EFNA5: variants seen among roughly 807,000 people sequenced by gnomAD.
EFNA5 encodes the protein ephrin A5.
In EFNA5, 5 loss-of-function variants were observed where a neutral mutation model predicts 22.9. The ratio of observed to expected loss-of-function variants is 0.22; its 90% CI spans 0.11 to 0.46. The LOEUF (loss-of-function observed/expected upper bound fraction) is 0.46, where lower values mean the gene tolerates loss of function less well. Among genes scored for constraint, EFNA5 ranks in the 20% least tolerant of loss-of-function variants. The pLI, the probability that EFNA5 is intolerant of heterozygous loss-of-function variation, is 0.99. For missense variants in EFNA5, 237 were observed against 293.3 expected (o/e 0.81, Z 1.40); for synonymous variants, 113 against 112.2 (o/e 1.01, Z -0.04).
At chr5:107,592,613 G>T (rs1018990059) in intron 1 of EFNA5, among the ~76,000 whole-genome samples, 1 of 152,134 alleles carries the variant, frequency 6.6e-6, no homozygotes, top group Non-Finnish European at 1.5e-5. Context: ...TTCCATGCAG[G>T]TTAGGGGAGC....
chr5:107,605,830 T>G (rs1256066058), intron 1 of EFNA5, among the ~76,000 whole-genome samples: 1 of 152,156 alleles, frequency 6.6e-6, no homozygotes, highest in East Asian at 1.9e-4. Flanking sequence ...CTTTCTTCCC[T>G]CCTTGTAAAG....
At position 107,424,378 on chromosome 5, in the gene EFNA5, T is replaced by A. The variant is rs113217820; in HGVS notation, c.418+2839A>T. ...CCTGCCACCATGCCCAGCTAATTTT[T>A]GTATTTTTTTTTTTTTTTTAGTAGC... is the stretch of plus-strand genomic sequence containing the variant. On this transcript the variant is annotated intron_variant, in intron 2 of 4. Transcript: ENST00000333274. 2.3e-4 allele frequency among the ~76,000 whole-genome samples: 33 copies of A among 142,920 alleles called. 1 individual carries two copies. The highest frequency in any genetic ancestry group is 8.2e-4 in the African/African-American group (32 of 38,892). 93.8% of individuals were successfully genotyped at this position (142,920 alleles called of 152,430 possible). A position where few individuals can be genotyped will look rare whatever the true frequency, so the allele number is the denominator to read the frequency against.
At chr5:107,633,509 C>T (rs551906736) in intron 1 of EFNA5, among the ~76,000 whole-genome samples, 1 of 152,368 alleles carries the variant, frequency 6.6e-6, no homozygotes, top group South Asian at 2.1e-4. Flanking sequence ...TGCTGCGTCA[C>T]ATTACTTCCG....
intron 1 of EFNA5, among the ~76,000 whole-genome samples, chr5:107,635,650 T>C (rs1402170504): frequency 6.6e-6 from 1 of 152,206 alleles, no homozygotes; most frequent in Non-Finnish European, 1.5e-5. Flanking sequence ...TCCTTAATGA[T>C]GGGTGTTTAA....
intron 1 of EFNA5, among the ~76,000 whole-genome samples, chr5:107,452,944 G>T (rs1749599055): frequency 6.6e-6 from 1 of 151,978 alleles, no homozygotes; most frequent in Admixed American, 6.6e-5. Context: ...GAAAAGAAAA[G>T]CTTGCCTGGC....
Position 107,668,895 on chromosome 5 carries a change from G to A in EFNA5, c.125+1594C>T, listed in dbSNP as rs375585994. Among the ~76,000 whole-genome samples the A allele has an allele frequency of 7.2e-4, 110 of 152,260 alleles. 1 individual carries two copies. Among genetic ancestry groups the A allele is most frequent in the African/African-American group, 2.6e-3 (107 of 41,538 alleles). On this transcript the variant is annotated intron_variant, in intron 1 of 4. Transcript: ENST00000333274. ...TTTTCCTAATAGTGGTAAGTGGCAT[G>A]TCAAAGAAGAAATCGCTTCCCATTC... is the stretch of plus-strand genomic sequence containing the variant.
intron 1 of EFNA5, among the ~76,000 whole-genome samples, chr5:107,431,584 T>C (rs1424729644): frequency 6.6e-6 from 1 of 152,102 alleles, no homozygotes; most frequent in Admixed American, 6.5e-5. Flanking sequence ...ATTACACAAC[T>C]AGTAAAGAAA....
intron 2 of EFNA5, among the ~76,000 whole-genome samples, chr5:107,389,979 G>GA (rs1747738603): frequency 2.0e-5 from 3 of 152,112 alleles, no homozygotes; most frequent in Non-Finnish European, 4.4e-5. Flanking sequence ...TGTGAACAAA[G>GA]AATATTAGCA....
intron 1 of EFNA5, among the ~76,000 whole-genome samples, chr5:107,434,434 T>C (rs1465921500): frequency 6.6e-6 from 1 of 152,202 alleles, no homozygotes; most frequent in Non-Finnish European, 1.5e-5. Flanking sequence ...ATAATCCTCC[T>C]TCTCTGAGTT....
intron 1 of EFNA5, among the ~76,000 whole-genome samples, chr5:107,601,020 G>A (rs1002446051): frequency 2.6e-5 from 4 of 152,060 alleles, no homozygotes; most frequent in South Asian, 2.1e-4. Flanking sequence ...TTCAAACCTG[G>A]TAAATGTGAA....
chr5:107,502,241 C>T (rs905103743), intron 1 of EFNA5, among the ~76,000 whole-genome samples: 1 of 152,192 alleles, frequency 6.6e-6, no homozygotes, highest in Non-Finnish European at 1.5e-5. Context: ...AATTTATGTT[C>T]ATTTTATCCA....
chr5:107,546,651 A>AACATACACACACAC (rs1554065956), intron 1 of EFNA5, among the ~76,000 whole-genome samples: 102 of 121,346 alleles, frequency 8.4e-4, no homozygotes, highest in African/African-American at 3.1e-3. Context: ...TGGTGCGTAA[A>AACATACACACACAC]ACACACACAC....
At chr5:107,642,498 G>A (rs1750549642) in intron 1 of EFNA5, among the ~76,000 whole-genome samples, 1 of 148,678 alleles carries the variant, frequency 6.7e-6, no homozygotes, top group African/African-American at 2.5e-5. Context: ...AATGTCAAGA[G>A]TGAATCGATC....
intron 1 of EFNA5, among the ~76,000 whole-genome samples, chr5:107,618,429 C>A (rs1016205729): frequency 6.6e-6 from 1 of 152,152 alleles, no homozygotes; most frequent in East Asian, 1.9e-4. Context: ...TTCCGCATGT[C>A]ATATGATTCC....
At chr5:107,608,757 G>C (rs1749769095) in intron 1 of EFNA5, among the ~76,000 whole-genome samples, 3 of 152,216 alleles carry the variant, frequency 2.0e-5, no homozygotes, top group Non-Finnish European at 4.4e-5. Context: ...TGTGGCCACA[G>C]CCTTCACCCT....
At chr5:107,631,289 ACT>A (rs1554070311) in intron 1 of EFNA5, among the ~76,000 whole-genome samples, 52 of 139,564 alleles carry the variant, frequency 3.7e-4, no homozygotes, top group East Asian at 1.7e-3. Flanking sequence ...ACACACACAC[ACT>A]CTCTGTCTCT....
At chr5:107,623,027 CAAAAAAAAAAAA>C (rs61689503) in intron 1 of EFNA5, among the ~76,000 whole-genome samples, 347 of 29,906 alleles carry the variant, frequency 0.012, 7 homozygotes, top group African/African-American at 0.039. Context: ...GACTCCGTCT[CAAAAAAAAAAAA>C]AAAAAAAAAA....
chr5:107,416,385 C>T (rs574454119), intron 2 of EFNA5, among the ~76,000 whole-genome samples: 2 of 152,218 alleles, frequency 1.3e-5, no homozygotes, highest in Non-Finnish European at 2.9e-5. Context: ...GGCTTGGGGT[C>T]AAACTACATG....
rs1749615501 is a variant in EFNA5 at position 107,602,239 on chromosome 5, C to G, written c.125+68250G>C. ...GAAAATCCACAGGTACCTCACTTAT[C>G]TATATATAACATGGCTTTTCATAAA... On this transcript the variant is annotated intron_variant, in intron 1 of 4. Coordinates refer to ENST00000333274, the MANE Select transcript of EFNA5 (RefSeq NM_001962.3). 2.0e-5 allele frequency among the ~76,000 whole-genome samples: 3 copies of G among 152,122 alleles called. No individual in the cohort carries two copies. In the South Asian group the frequency reaches 6.2e-4, roughly 32 times the overall value.
Sources: allele counts gnomAD v4.1 joint callset (sites outside exome capture counted in the v4.1 genomes callset), GRCh38; gene constraint gnomAD v4.1.1; transcripts MANE v1.5; gene names NCBI Gene and HGNC (gene_info 2026-07-23, HGNC 2026-07-21).